Variants in ZNF547 observed in about 807,000 individuals in gnomAD.
ZNF547 encodes zinc finger protein 547.
ZNF547 carries 4 observed loss-of-function variants against 7.7 expected under a neutral mutation model. That is an observed-to-expected ratio of 0.52 (90% CI 0.26 to 1.20). The LOEUF (loss-of-function observed/expected upper bound fraction) is 1.20. ZNF547 is among the 50% of genes most tolerant of loss of function. The pLI is 0.14. For missense variants in ZNF547, 449 were observed against 485.8 expected (o/e 0.92, Z 0.71); for synonymous variants, 166 against 166.2 (o/e 1.00, Z 0.01).
At chr19:57,366,160 G>A (rs1175089220) in intron 1 of ZNF547, among the ~76,000 whole-genome samples, 2 of 151,582 alleles carry the variant, frequency 1.3e-5, no homozygotes, top group African/African-American at 4.9e-5. Context: ...ACTGCGCCTG[G>A]CCATGAAATA....
At chr19:57,364,341 G>T in intron 1 of ZNF547, 1 of 161,084 alleles carries the variant, frequency 6.2e-6, no homozygotes. Context: ...TCATGGGTTG[G>T]AGTTTGGCCA....
Position 57,378,688 on chromosome 19 carries a change from T to TA in ZNF547, c.*509dup. The TA allele has an allele frequency of 2.6e-6, 1 of 379,802 alleles. No homozygotes were observed. Among genetic ancestry groups the TA allele is most frequent in the South Asian group, 1.9e-5 (1 of 51,752 alleles). 23.5% of individuals were successfully genotyped at this position (379,802 alleles called of 1,614,324 possible). A position where few individuals can be genotyped will look rare whatever the true frequency, so the allele number is the denominator to read the frequency against. ...CTGAGAACTAGTATTATATGGTTTT[T>TA]AAAAAACAATGGTGAAGTACATGCC... On this transcript the variant is annotated 3_prime_UTR_variant, in exon 4 of 4. Transcript: ENST00000282282.
intron 3 of ZNF547, 92 bp from the exon 4 acceptor site, chr19:57,377,036 A>G: frequency 7.6e-7 from 1 of 1,318,512 alleles, no homozygotes; most frequent in Non-Finnish European, 1.0e-6. Flanking sequence ...TTCCATGATC[A>G]TTTTCATGGG....
At chr19:57,376,974 C>A (rs1057138893) in intron 3 of ZNF547, among the ~76,000 whole-genome samples, 154 bp from the exon 4 acceptor site, 2 of 152,174 alleles carry the variant, frequency 1.3e-5, no homozygotes, top group African/African-American at 4.8e-5. Context: ...GCCTGCTCAG[C>A]TGTTAGTGAG....
rs545830924 is a variant in ZNF547, at chr19:57,377,956, A to G, written c.980A>G (p.Asn327Ser). ...ACTGGAGAAAGGCCTTATGAGTGCA[A>G]TGAATGTGGGAAATTCTTCAGCTTG... ...VHTGERPYEC[N>S]ECGKFFSLKS... The change falls in exon 4 of 4, where the codon AAT (asparagine) becomes AGT (serine). Residue 327 changes from asparagine to serine, a missense_variant. Physicochemically the swap from Asn to Ser is conservative, Grantham distance 46 (BLOSUM62 1). Transcript: ENST00000282282. The G allele has an allele frequency of 5.9e-5, 96 of 1,613,802 alleles. No individual in the cohort carries two copies. The South Asian group carries it at 7.9e-4, about 13-fold the overall frequency.
At chr19:57,372,306 T>C (rs533642648) in intron 3 of ZNF547, among the ~76,000 whole-genome samples, 42 of 152,272 alleles carry the variant, frequency 2.8e-4, no homozygotes, top group African/African-American at 8.4e-4. Flanking sequence ...ACTGGCTTGA[T>C]TGTGTAGGAT....
At chr19:57,375,217 G>A (rs112980875) in intron 3 of ZNF547, among the ~76,000 whole-genome samples, 7,332 of 152,134 alleles carry the variant, frequency 0.048, 550 homozygotes, top group African/African-American at 0.17. Flanking sequence ...GGGTATGGTG[G>A]CAGGTGCCTG....
intron 3 of ZNF547, among the ~76,000 whole-genome samples, chr19:57,373,513 T>G (rs1287946880): frequency 6.6e-6 from 1 of 151,076 alleles, no homozygotes; most frequent in Non-Finnish European, 1.5e-5. Context: ...AACTCTTAAT[T>G]CACTCTAGCA....
At chr19:57,371,564 G>A in intron 2 of ZNF547, 1 of 647,008 alleles carries the variant, frequency 1.5e-6, no homozygotes, top group Non-Finnish European at 2.5e-6. Context: ...TCCCTGGGTT[G>A]ATTTAGAGCA....
chr19:57,377,550 T>C lies in ZNF547; in HGVS notation c.574T>C (p.Leu192=). The C allele has an allele frequency of 6.2e-7, 1 of 1,614,166 alleles. No individual in the cohort carries two copies. The highest frequency in any genetic ancestry group is 1.1e-5 in the South Asian group (1 of 91,080). ...RTYKCSKCGI[L]FMERSTLNRH... ...TTATAAGTGCAGCAAATGTGGGATATTGTTTATGGAAAGGTCCACACTCAA... is the reference window on the plus strand; with the variant it reads ...TTATAAGTGCAGCAAATGTGGGATACTGTTTATGGAAAGGTCCACACTCAA... Residue 192 remains leucine, a synonymous_variant, in exon 4 of 4, where the codon TTG becomes CTG. Transcript: ENST00000282282.
intron 1 of ZNF547, among the ~76,000 whole-genome samples, chr19:57,365,953 C>T (rs567764785): frequency 5.9e-5 from 9 of 151,526 alleles, no homozygotes; most frequent in African/African-American, 2.2e-4. Flanking sequence ...CAACCTCCAC[C>T]TCCCGGGTTC....
At chr19:57,364,836 G>T in intron 1 of ZNF547, 1 of 1,605,178 alleles carries the variant, frequency 6.2e-7, no homozygotes, top group Non-Finnish European at 8.5e-7. Flanking sequence ...TGAAGACCAT[G>T]TCTGGAAGCT....
intron 3 of ZNF547, among the ~76,000 whole-genome samples, chr19:57,374,907 T>A (rs182227320): frequency 7.9e-5 from 12 of 152,204 alleles, no homozygotes; most frequent in Non-Finnish European, 1.3e-4. Flanking sequence ...TTTCCCACAT[T>A]TCCTGTCTTC....
chr19:57,377,191 C>G lies in ZNF547; in HGVS notation c.215C>G (p.Ser72Ter). 1 of 1,614,186 alleles carries G rather than the reference C, an allele frequency of 6.2e-7. No individual in the cohort carries two copies. Among genetic ancestry groups the G allele is most frequent in the East Asian group, 2.2e-5 (1 of 44,882 alleles). Residue 72 changes from serine (S) to a stop codon, truncating the protein, a stop_gained, in exon 4 of 4, where the codon TCA becomes TGA. Coordinates refer to ENST00000282282, the MANE Select transcript of ZNF547 (RefSeq NM_173631.4). LOFTEE classifies it low-confidence loss of function (END_TRUNC). The part of the protein sequence containing the change: ...PLEPGVSVGV[S>*]QVMAPKPCLS... ...GAGCCAGGTGTTTCTGTAGGAGTGTCACAGGTCATGGCTCCAAAGCCCTGT... is the reference window on the plus strand; with the variant it reads ...GAGCCAGGTGTTTCTGTAGGAGTGTGACAGGTCATGGCTCCAAAGCCCTGT...
At position 57,378,743 on chromosome 19, in the gene ZNF547, A is replaced by G. The variant is rs549770550; in HGVS notation, c.*558A>G. ...AAAATTTGCCATCTTAACTATTGTA[A>G]TGTCTTGTTTAATACTTGAAGTACA... On this transcript the variant is annotated 3_prime_UTR_variant, in exon 4 of 4. Coordinates refer to ENST00000282282, the MANE Select transcript of ZNF547 (RefSeq NM_173631.4). 2 of 436,602 alleles carry G rather than the reference A, an allele frequency of 4.6e-6. No homozygotes were observed. The highest frequency in any genetic ancestry group is 9.0e-6 in the Non-Finnish European group (2 of 221,560). The allele number at this position is 436,602 out of a possible 1,614,324, so 27.0% of individuals were successfully genotyped here.
At chr19:57,375,694 C>T (rs2088532341) in intron 3 of ZNF547, among the ~76,000 whole-genome samples, 1 of 148,962 alleles carries the variant, frequency 6.7e-6, no homozygotes, top group Non-Finnish European at 1.5e-5. Flanking sequence ...AAAAGACATA[C>T]CCGAGACTGG....
At chr19:57,365,143 G>T in intron 1 of ZNF547, 1 of 1,600,866 alleles carries the variant, frequency 6.2e-7, no homozygotes, top group Non-Finnish European at 8.5e-7. Context: ...TGATGTTTAT[G>T]ATTTATATAT....
At chr19:57,368,395 G>A (rs2088483996) in intron 1 of ZNF547, 149 bp from the exon 2 acceptor site, 3 of 662,818 alleles carry the variant, frequency 4.5e-6, no homozygotes, top group South Asian at 3.7e-5. Flanking sequence ...GTGCTGCTAA[G>A]AGCCAACAGT....
In ZNF547 at chr19:57,377,571, C is replaced by A; in HGVS notation, c.595C>A (p.Leu199Ile). The A allele has an allele frequency of 1.9e-6, 3 of 1,614,188 alleles. No homozygotes were observed. Among genetic ancestry groups the A allele is most frequent in the Non-Finnish European group, 2.5e-6 (3 of 1,180,050 alleles). The change falls in exon 4 of 4, where the codon CTC (leucine) becomes ATC (isoleucine). Residue 199 changes from leucine to isoleucine, a missense_variant. Coordinates refer to ENST00000282282, the MANE Select transcript of ZNF547 (RefSeq NM_173631.4). ...CGILFMERST[L>I]NRHQRTHTGE... ...GATATTGTTTATGGAAAGGTCCACA[C>A]TCAATAGACATCAGAGAACTCACAC...
Sources: allele counts gnomAD v4.1 joint callset (sites outside exome capture counted in the v4.1 genomes callset), GRCh38; gene constraint gnomAD v4.1.1; transcripts MANE v1.5; gene names NCBI Gene and HGNC (gene_info 2026-07-23, HGNC 2026-07-21).